The following IQCK variants were observed in gnomAD, a reference collection of about 807,000 sequenced individuals.
The protein encoded by IQCK is IQ motif containing K.
Under a neutral mutation model 28.1 loss-of-function variants are expected in IQCK, and 29 were observed. The ratio of observed to expected loss-of-function variants is 1.03; its 90% CI spans 0.77 to 1.41. The LOEUF (loss-of-function observed/expected upper bound fraction) is 1.41. IQCK is among the 40% of genes most tolerant of loss of function. IQCK has a pLI of 0.00. For synonymous variants in IQCK, 113 were observed against 115.1 expected (o/e 0.98, Z 0.12); for missense variants, 359 against 314.7 (o/e 1.14, Z -1.07).
downstream of IQCK, among the ~76,000 whole-genome samples, chr16:19,832,128 T>C (rs56695586): frequency 3.3e-4 from 50 of 152,060 alleles, no homozygotes; most frequent in East Asian, 9.3e-3. Context: ...CAAATGTGCT[T>C]TGTAATTGAA....
At chr16:19,756,169 G>A (rs2055049519) in intron 4 of IQCK, among the ~76,000 whole-genome samples, 1 of 152,144 alleles carries the variant, frequency 6.6e-6, no homozygotes, top group African/African-American at 2.4e-5. Context: ...GGGTGATAGT[G>A]TCTCAATCAA....
At chr16:19,761,351 C>A in intron 4 of IQCK, 3 of 454,428 alleles carry the variant, frequency 6.6e-6, no homozygotes, top group Non-Finnish European at 1.3e-5. Context: ...CTGGTACCAC[C>A]CATAGGATGG....
At chr16:19,740,933 A>C (rs1323695369) in intron 4 of IQCK, among the ~76,000 whole-genome samples, 2 of 150,612 alleles carry the variant, frequency 1.3e-5, no homozygotes, top group Non-Finnish European at 2.9e-5. Context: ...GTGCCACTGC[A>C]CTCCAGCCTG....
intron 3 of IQCK, 56 bp from the exon 4 acceptor site, chr16:19,735,297 A>G (rs914069798): frequency 2.2e-5 from 26 of 1,162,302 alleles, no homozygotes; most frequent in Non-Finnish European, 3.2e-5. Flanking sequence ...CATTTCTCCC[A>G]GATTGGCTCG....
chr16:19,743,277 T>C (rs1013395675), intron 4 of IQCK, among the ~76,000 whole-genome samples: 3 of 152,244 alleles, frequency 2.0e-5, no homozygotes, highest in South Asian at 4.1e-4. Flanking sequence ...GTTGTAGTTA[T>C]TACACACAGG....
chr16:19,846,378 T>C (rs935027920), intron 9 of IQCK, among the ~76,000 whole-genome samples: 5 of 152,202 alleles, frequency 3.3e-5, no homozygotes, highest in African/African-American at 9.6e-5. Context: ...ACCTCAGTTT[T>C]CACCTATTAA....
chr16:19,847,476 G>GC (rs2056427040), intron 9 of IQCK, among the ~76,000 whole-genome samples: 1 of 152,214 alleles, frequency 6.6e-6, no homozygotes, highest in African/African-American at 2.4e-5. Context: ...GCTCCCTCAT[G>GC]CCCCACGCGG....
intron 7 of IQCK, among the ~76,000 whole-genome samples, chr16:19,811,784 A>G (rs1459329065): frequency 2.0e-5 from 3 of 152,166 alleles, no homozygotes; most frequent in Non-Finnish European, 4.4e-5. Flanking sequence ...TTCATTCTTA[A>G]CATTCTGTTT....
At chr16:19,722,480 C>T (rs1597491622) in intron 1 of IQCK, among the ~76,000 whole-genome samples, 1 of 152,152 alleles carries the variant, frequency 6.6e-6, no homozygotes, top group African/African-American at 2.4e-5. Flanking sequence ...TATCCTCTTC[C>T]AGCTCCTATC....
At chr16:19,757,394 T>G (rs1031903493) in intron 4 of IQCK, among the ~76,000 whole-genome samples, 1 of 152,152 alleles carries the variant, frequency 6.6e-6, no homozygotes, top group African/African-American at 2.4e-5. Flanking sequence ...CATTTTCGGC[T>G]GGGCGCTGTG....
At chr16:19,827,420 T>C (rs536925190), downstream of IQCK, among the ~76,000 whole-genome samples, 1 of 152,312 alleles carries the variant, frequency 6.6e-6, no homozygotes, top group East Asian at 1.9e-4. Flanking sequence ...TAACCCATTA[T>C]TTTGGAAACA....
chr16:19,835,903 A>G (rs79660163), intron 9 of IQCK, among the ~76,000 whole-genome samples: 14,921 of 152,194 alleles, frequency 0.098, 988 homozygotes, highest in East Asian at 0.26. Flanking sequence ...GTACCTCTAT[A>G]GGATTAATTC....
At chr16:19,721,231 A>G (rs1412680284) in intron 1 of IQCK, among the ~76,000 whole-genome samples, 1 of 152,222 alleles carries the variant, frequency 6.6e-6, no homozygotes, top group African/African-American at 2.4e-5. Context: ...CTCTTAAGAT[A>G]ATCTCCATTC....
chr16:19,723,121 A>G (rs1208481508), intron 1 of IQCK, among the ~76,000 whole-genome samples: 1 of 19,690 alleles, frequency 5.1e-5, no homozygotes. Flanking sequence ...CCCCACCCCC[A>G]CCAGTCTTCA....
At chr16:19,725,353 C>T (rs1332663741) in intron 1 of IQCK, among the ~76,000 whole-genome samples, 1 of 152,134 alleles carries the variant, frequency 6.6e-6, no homozygotes, top group African/African-American at 2.4e-5. Context: ...TGCGCCACCA[C>T]ACCCAGCTAA....
chr16:19,827,095 C>G, exon 8 of IQCK: 1 of 1,614,098 alleles, frequency 6.2e-7, no homozygotes, highest in Admixed American at 1.7e-5. Context: ...CAAGCACATT[C>G]ACCAGCAAGT....
intron 6 of IQCK, among the ~76,000 whole-genome samples, chr16:19,782,216 C>T (rs551144462): frequency 1.8e-4 from 28 of 151,370 alleles, no homozygotes; most frequent in Non-Finnish European, 3.7e-4. Flanking sequence ...ACAACTTAAT[C>T]TCTTAGTTAA....
At chr16:19,786,108 C>G (rs2055558398) in intron 6 of IQCK, among the ~76,000 whole-genome samples, 1 of 152,028 alleles carries the variant, frequency 6.6e-6, no homozygotes, top group African/African-American at 2.4e-5. Context: ...GCCAACACAC[C>G]AAGGTCTCCT....
intron 4 of IQCK, among the ~76,000 whole-genome samples, chr16:19,740,549 T>C (rs2054819067): frequency 6.6e-6 from 1 of 152,222 alleles, no homozygotes; most frequent in South Asian, 2.1e-4. Context: ...GTATCACTTT[T>C]TCCTATCTTG....
Sources: allele counts gnomAD v4.1 joint callset (sites outside exome capture counted in the v4.1 genomes callset), GRCh38; gene constraint gnomAD v4.1.1; transcripts MANE v1.5; gene names NCBI Gene and HGNC (gene_info 2026-07-23, HGNC 2026-07-21).